The following CCSER1 variants were observed in gnomAD, a reference collection of about 807,000 sequenced individuals.
CCSER1 encodes serine-rich coiled-coil domain-containing protein 1.
In CCSER1, 41 loss-of-function variants were observed where a neutral mutation model predicts 82.0. That is an observed-to-expected ratio of 0.50 (90% CI 0.39 to 0.65). CCSER1 has a LOEUF of 0.65. Ranked by LOEUF, CCSER1 falls within the 30% of genes least tolerant of loss-of-function variation. The pLI, the probability that CCSER1 is intolerant of heterozygous loss-of-function variation, is 0.00. For missense variants in CCSER1, 1,119 were observed against 1,064.2 expected (o/e 1.05, Z -0.72); for synonymous variants, 414 against 383.9 (o/e 1.08, Z -0.92).
At chr4:90,563,175 G>A (rs1008346309) in intron 5 of CCSER1, among the ~76,000 whole-genome samples, 25 of 151,752 alleles carry the variant, frequency 1.6e-4, no homozygotes, top group African/African-American at 6.1e-4. Flanking sequence ...GCAGTGGCAC[G>A]ATATCGGCTC....
chr4:91,459,238 GTGT>G (rs770186084), intron 10 of CCSER1, among the ~76,000 whole-genome samples: 35 of 152,128 alleles, frequency 2.3e-4, no homozygotes, highest in East Asian at 5.8e-4. Context: ...TTGTTGATAA[GTGT>G]TGTATGAAAG....
At chr4:90,466,515 A>G (rs1182017276) in intron 4 of CCSER1, among the ~76,000 whole-genome samples, 1 of 152,230 alleles carries the variant, frequency 6.6e-6, no homozygotes, top group Non-Finnish European at 1.5e-5. Flanking sequence ...GCCCAGATTC[A>G]TTGATACCTT....
intron 1 of CCSER1, among the ~76,000 whole-genome samples, chr4:90,233,716 A>T (rs1204003472): frequency 1.3e-5 from 2 of 150,732 alleles, no homozygotes; most frequent in Non-Finnish European, 3.0e-5. Context: ...TGAAGTGGCC[A>T]TAAAAAAAAA....
At chr4:90,313,381 C>T (rs1323743933) in intron 3 of CCSER1, among the ~76,000 whole-genome samples, 1 of 152,152 alleles carries the variant, frequency 6.6e-6, no homozygotes, top group Non-Finnish European at 1.5e-5. Context: ...CATCTTCTCT[C>T]CACCATATAG....
At chr4:90,855,304 A>T (rs981880476) in intron 8 of CCSER1, among the ~76,000 whole-genome samples, 8 of 152,176 alleles carry the variant, frequency 5.3e-5, no homozygotes, top group Non-Finnish European at 1.0e-4. Context: ...CCATTAGTGG[A>T]GACTAGGGAT....
At chr4:91,001,434 G>A (rs920318289) in intron 9 of CCSER1, among the ~76,000 whole-genome samples, 42 of 152,056 alleles carry the variant, frequency 2.8e-4, no homozygotes, top group Non-Finnish European at 5.0e-4. Flanking sequence ...AATGAGTTGA[G>A]GAGGAGTCCC....
At chr4:91,140,954 C>T (rs1017312548) in intron 10 of CCSER1, among the ~76,000 whole-genome samples, 2 of 152,052 alleles carry the variant, frequency 1.3e-5, no homozygotes, top group Non-Finnish European at 2.9e-5. Flanking sequence ...TCAACCCTGG[C>T]ACCCCTCCTT....
chr4:91,358,241 G>A (rs1010657802), intron 10 of CCSER1, among the ~76,000 whole-genome samples: 10 of 151,776 alleles, frequency 6.6e-5, no homozygotes, highest in South Asian at 4.2e-4. Flanking sequence ...GTCTGTGTAC[G>A]GAAACTGGTC....
At chr4:90,785,605 T>G (rs1754402619) in intron 7 of CCSER1, among the ~76,000 whole-genome samples, 1 of 152,224 alleles carries the variant, frequency 6.6e-6, no homozygotes, top group Non-Finnish European at 1.5e-5. Context: ...CAAAATAATT[T>G]GACAATTATT....
intron 1 of CCSER1, among the ~76,000 whole-genome samples, chr4:90,229,931 T>C (rs1230007476): frequency 6.6e-6 from 1 of 152,144 alleles, no homozygotes; most frequent in Non-Finnish European, 1.5e-5. Flanking sequence ...CTATCCTAAA[T>C]ATATATGCAC....
intron 5 of CCSER1, among the ~76,000 whole-genome samples, chr4:90,569,013 A>G (rs992417661): frequency 1.4e-5 from 2 of 142,308 alleles, no homozygotes; most frequent in Non-Finnish European, 3.0e-5. Flanking sequence ...GGTGATCCCA[A>G]AGTGCTGGGA....
chr4:90,226,805 C>T (rs953512889), intron 1 of CCSER1, among the ~76,000 whole-genome samples: 1 of 152,174 alleles, frequency 6.6e-6, no homozygotes, highest in South Asian at 2.1e-4. Flanking sequence ...GCTCCCAAAC[C>T]TTTAGAATCC....
intron 7 of CCSER1, among the ~76,000 whole-genome samples, chr4:90,737,764 A>T (rs1745898125): frequency 6.7e-6 from 1 of 149,686 alleles, no homozygotes; most frequent in African/African-American, 2.4e-5. Context: ...TATTTTCTAG[A>T]TTTTGTAGGT....
intron 5 of CCSER1, among the ~76,000 whole-genome samples, chr4:90,575,701 T>G (rs532354758): frequency 6.6e-6 from 1 of 152,344 alleles, no homozygotes; most frequent in Non-Finnish European, 1.5e-5. Context: ...CTCAAATTTT[T>G]TTTTCTATTT....
rs531044342 is a variant in CCSER1 at position 90,891,086 on chromosome 4, A to G, written c.2095-32284A>G. On this transcript the variant is annotated intron_variant, in intron 8 of 10. Coordinates refer to ENST00000509176, the MANE Select transcript of CCSER1 (RefSeq NM_001145065.2). ...GATTCATGTAAATTAGATAATTTCCAAATAAAGTTAGGAAACTTAACAAAA... is the reference window on the plus strand; with the variant it reads ...GATTCATGTAAATTAGATAATTTCCGAATAAAGTTAGGAAACTTAACAAAA... Among the ~76,000 whole-genome samples, 5 of 152,198 alleles carry G rather than the reference A, an allele frequency of 3.3e-5. No individual in the cohort carries two copies. The South Asian group carries it at 1.0e-3, about 32-fold the overall frequency.
At chr4:90,339,653 T>G (rs997279190) in intron 3 of CCSER1, among the ~76,000 whole-genome samples, 5 of 152,122 alleles carry the variant, frequency 3.3e-5, no homozygotes, top group Non-Finnish European at 4.4e-5. Context: ...TCCTCCAGAT[T>G]ACTGCATGTT....
intron 7 of CCSER1, among the ~76,000 whole-genome samples, chr4:90,773,227 C>T (rs138164932): frequency 9.1e-4 from 138 of 152,218 alleles, no homozygotes; most frequent in Middle Eastern, 6.8e-3. Context: ...GAAACAAGAG[C>T]GAAACTCTGT....
At chr4:91,026,536 C>G (rs987342806) in intron 9 of CCSER1, among the ~76,000 whole-genome samples, 1 of 151,904 alleles carries the variant, frequency 6.6e-6, no homozygotes, top group African/African-American at 2.4e-5. Context: ...ATCATTATAC[C>G]AAACTACTTT....
chr4:91,553,045 G>A (rs552224269), intron 10 of CCSER1, among the ~76,000 whole-genome samples: 1 of 151,422 alleles, frequency 6.6e-6, no homozygotes, highest in East Asian at 1.9e-4. Flanking sequence ...CCTAGTAAGA[G>A]GCCTTTATTA....
Sources: gnomAD v4.1 joint callset for allele counts (sites outside exome capture counted in the v4.1 genomes callset) on GRCh38, gnomAD v4.1.1 for gene constraint, MANE v1.5 for transcripts, NCBI Gene and HGNC (gene_info 2026-07-23, HGNC 2026-07-21) for gene names.